PALD1: variants seen among roughly 807,000 people sequenced by gnomAD.
The protein encoded by PALD1 is phosphatase domain containing paladin 1, also known as paladin.
A neutral mutation model predicts 96.0 loss-of-function variants in PALD1; 57 were observed. That is an observed-to-expected ratio of 0.59 (90% CI 0.48 to 0.74). The LOEUF is 0.74. Among genes scored for constraint, PALD1 ranks in the 30% least tolerant of loss-of-function variants. The pLI, the probability that PALD1 is intolerant of heterozygous loss-of-function variation, is 0.00. For synonymous variants in PALD1, 464 were observed against 473.6 expected (o/e 0.98, Z 0.26); for missense variants, 1,063 against 1,143.7 (o/e 0.93, Z 1.02).
chr10:70,562,164 A>C (rs1186641964), intron 18 of PALD1, among the ~76,000 whole-genome samples: 1 of 152,110 alleles, frequency 6.6e-6, no homozygotes, highest in Non-Finnish European at 1.5e-5. Flanking sequence ...CCAGGACCTG[A>C]ACCCAGCTCA....
chr10:70,518,971 AGGGAGCCTT>A (rs1564694180), intron 1 of PALD1, among the ~76,000 whole-genome samples: 1 of 152,270 alleles, frequency 6.6e-6, no homozygotes, highest in African/African-American at 2.4e-5. Context: ...CAGCCCAGCC[AGGGAGCCTT>A]GGGTCTGGAG....
intron 1 of PALD1, among the ~76,000 whole-genome samples, chr10:70,496,011 A>AAACAACAACAAC (rs138584752): frequency 0.018 from 2,742 of 151,014 alleles, 65 homozygotes; most frequent in African/African-American, 0.054. Flanking sequence ...ACTCTATCTC[A>AAACAACAACAAC]AACAACAACA....
chr10:70,464,189 C>G, the PALD1 span, among the ~76,000 whole-genome samples: 1 of 148,472 alleles, frequency 6.7e-6, no homozygotes, highest in Non-Finnish European at 1.5e-5. Flanking sequence ...GAGATCTTAT[C>G]CTGTATTCTT....
At chr10:70,507,957 G>A (rs1411060836) in intron 1 of PALD1, among the ~76,000 whole-genome samples, 2 of 152,216 alleles carry the variant, frequency 1.3e-5, no homozygotes, top group Non-Finnish European at 2.9e-5. Context: ...GGTCCTGCCT[G>A]GTGGGTCCCC....
chr10:70,483,568 A>T lies in PALD1; in HGVS notation c.-30+4509A>T, dbSNP rs1041523618. Among the ~76,000 whole-genome samples, 3 of 149,534 alleles carry T rather than the reference A, an allele frequency of 2.0e-5. No individual in the cohort carries two copies. In the East Asian group the frequency reaches 6.1e-4, roughly 30 times the overall value. ...AACAGGCTGGGCTGGGGCCCATGGGAGGGGAGAGGGGTGGGTGCCCTGAGA... is the reference window on the plus strand; with the variant it reads ...AACAGGCTGGGCTGGGGCCCATGGGTGGGGAGAGGGGTGGGTGCCCTGAGA... On this transcript the variant is annotated intron_variant, in intron 1 of 19. Transcript: ENST00000263563.
intron 1 of PALD1, among the ~76,000 whole-genome samples, chr10:70,509,578 C>T (rs1846471580): frequency 6.6e-6 from 1 of 152,204 alleles, no homozygotes; most frequent in Admixed American, 6.5e-5. Flanking sequence ...GGGTGGAGCA[C>T]AGGCTGAGTG....
In PALD1 at chr10:70,567,591, C is replaced by T. The variant is rs532166531; in HGVS notation, c.*858C>T. On this transcript the variant is annotated 3_prime_UTR_variant, in exon 20 of 20. Coordinates refer to ENST00000263563, the MANE Select transcript of PALD1 (RefSeq NM_014431.3). ...AGCCCAGGATGGCCTGGTGCCCCCA[C>T]CTGCTGCAGCAGGAGCCCCAAGGAG... is the stretch of plus-strand genomic sequence containing the variant. 6.5e-6 allele frequency: 1 copy of T among 153,176 alleles called. No individual in the cohort carries two copies. The highest frequency in any genetic ancestry group is 1.9e-4 in the East Asian group (1 of 5,184). 9.5% of individuals were successfully genotyped at this position (153,176 alleles called of 1,614,324 possible). A position where few individuals can be genotyped will look rare whatever the true frequency, so the allele number is the denominator to read the frequency against.
the PALD1 span, among the ~76,000 whole-genome samples, chr10:70,460,062 C>T: frequency 6.6e-6 from 1 of 152,236 alleles, no homozygotes. Context: ...CCCTGCCTGG[C>T]CGCACAGCAG....
At chr10:70,511,570 T>C (rs1846517195) in intron 1 of PALD1, among the ~76,000 whole-genome samples, 1 of 152,190 alleles carries the variant, frequency 6.6e-6, no homozygotes, top group South Asian at 2.1e-4. Context: ...TGAACAGAAA[T>C]TTATTTGACT....
rs141669123 is a variant in PALD1, at chr10:70,532,735, A to T, written c.748A>T (p.Thr250Ser). 179 of 1,614,044 alleles carry T rather than the reference A, an allele frequency of 1.1e-4. 1 individual carries two copies. The highest frequency in any genetic ancestry group is 2.2e-4 in the South Asian group (20 of 91,084). Residue 250 changes from threonine to serine, a missense_variant, in exon 6 of 20, where the codon ACG (threonine) becomes TCG (serine). Physicochemically the swap from Thr to Ser is moderately conservative, Grantham distance 58 (BLOSUM62 1). Coordinates refer to ENST00000263563, the MANE Select transcript of PALD1 (RefSeq NM_014431.3). ...AIHGEDDLHV[T>S]EEVYKRPLFL... is the part of the protein sequence containing the mutation. The stretch of plus-strand genomic sequence containing the variant: ...CCATGGTGAGGACGACTTGCATGTG[A>T]CGGAGGAGGTGTACAAGCGGCCCCT...
intron 11 of PALD1, 110 bp from the exon 12 acceptor site, chr10:70,538,170 C>G: frequency 8.3e-7 from 1 of 1,204,368 alleles, no homozygotes; most frequent in Non-Finnish European, 1.2e-6. Context: ...TGTCCCTGCT[C>G]TGGGCCATGT....
At chr10:70,549,212 CA>C (rs2132418652) in intron 18 of PALD1, among the ~76,000 whole-genome samples, 1 of 152,230 alleles carries the variant, frequency 6.6e-6, no homozygotes, top group South Asian at 2.1e-4. Context: ...GTCCCACTCA[CA>C]ATGGTCTTTT....
chr10:70,557,822 G>C (rs996404353), intron 18 of PALD1, among the ~76,000 whole-genome samples: 1 of 152,070 alleles, frequency 6.6e-6, no homozygotes, highest in African/African-American at 2.4e-5. Context: ...GTGGGTGAGC[G>C]AGGGGATACT....
chr10:70,529,207 T>TGGGGGGGGGGGGGGGGGGGGGGG, intron 2 of PALD1, 22 bp from the exon 3 acceptor site: 1 of 391,778 alleles, frequency 2.6e-6, no homozygotes, highest in Non-Finnish European at 4.6e-6. Flanking sequence ...GTTTCCATTC[T>TGGGGGGGGGGGGGGGGGGGGGGG]GCCCCCCCCC....
At chr10:70,565,477 G>T (rs973702883) in intron 19 of PALD1, among the ~76,000 whole-genome samples, 2 of 152,224 alleles carry the variant, frequency 1.3e-5, no homozygotes, top group Non-Finnish European at 2.9e-5. Flanking sequence ...CTGGACTGGA[G>T]GCTGGAATTA....
chr10:70,535,419 TCCCCCTTCCTCCTC>T (rs1847090137), intron 10 of PALD1, among the ~76,000 whole-genome samples: 1 of 89,582 alleles, frequency 1.1e-5, no homozygotes, highest in African/African-American at 4.8e-5. Context: ...TCTTCCTCCT[TCCCCCTTCCTCCTC>T]CCCCCGCTTC....
At chr10:70,530,545 C>T (rs1471063985) in intron 4 of PALD1, among the ~76,000 whole-genome samples, 1 of 152,156 alleles carries the variant, frequency 6.6e-6, no homozygotes, top group Non-Finnish European at 1.5e-5. Flanking sequence ...AGACCCAAAC[C>T]CAGGCAGCTG....
chr10:70,490,262 C>T (rs1846078073), intron 1 of PALD1, among the ~76,000 whole-genome samples: 1 of 152,138 alleles, frequency 6.6e-6, no homozygotes, highest in South Asian at 2.1e-4. Flanking sequence ...CACTCTGTTG[C>T]TCAGGCTGGG....
chr10:70,493,457 C>T (rs1846132414), intron 1 of PALD1, among the ~76,000 whole-genome samples: 5 of 152,184 alleles, frequency 3.3e-5, no homozygotes, highest in Admixed American at 3.3e-4. Flanking sequence ...ATCCTCTTTT[C>T]CTCTGTCTGT....
Sources: allele counts gnomAD v4.1 joint callset (sites outside exome capture counted in the v4.1 genomes callset), GRCh38; gene constraint gnomAD v4.1.1; transcripts MANE v1.5; gene names NCBI Gene and HGNC (gene_info 2026-07-23, HGNC 2026-07-21).